The following PRH1 variants were observed in gnomAD, a reference collection of about 807,000 sequenced individuals.
PRH1 encodes proline rich protein HaeIII subfamily 1.
PRH1 carries 7 observed loss-of-function variants against 7.9 expected under a neutral mutation model. That is an observed-to-expected ratio of 0.89 (90% confidence interval 0.50 to 1.67). The LOEUF is 1.67. PRH1 is among the 40% of genes most tolerant of loss of function. PRH1 has a pLI of 0.00. For missense variants in PRH1, 109 were observed against 223.6 expected (o/e 0.49, Z 3.27); for synonymous variants, 45 against 80.8 (o/e 0.56, Z 2.38).
At chr12:11,133,347 A>G in intron 1 of PRH1, 1 of 1,613,666 alleles carries the variant, frequency 6.2e-7, no homozygotes, top group South Asian at 1.1e-5. Flanking sequence ...TCTTTCACCC[A>G]GTACCTCACA....
intron 1 of PRH1, among the ~76,000 whole-genome samples, chr12:11,012,671 C>T (rs1404153260): frequency 6.6e-6 from 1 of 152,066 alleles, no homozygotes. Context: ...ATCCTCCCAC[C>T]TCAGCTTCTG....
At chr12:11,106,358 T>A (rs1444479275) in intron 1 of PRH1, among the ~76,000 whole-genome samples, 1 of 152,172 alleles carries the variant, frequency 6.6e-6, no homozygotes. Flanking sequence ...AAAATTAATT[T>A]CAGGGACATC....
intron 1 of PRH1, chr12:10,997,432 G>A (rs1401545979): frequency 6.2e-7 from 1 of 1,613,972 alleles, no homozygotes; most frequent in Admixed American, 1.7e-5. Flanking sequence ...TTATATACGT[G>A]TGTTTCATCA....
chr12:11,081,904 C>T (rs1298054940), intron 1 of PRH1, among the ~76,000 whole-genome samples: 1,998 of 75,960 alleles, frequency 0.026, 45 homozygotes, highest in Admixed American at 0.036. Context: ...TTTATTTTTC[C>T]TATTAAGCAA....
At chr12:10,909,285 A>G in intron 2 of PRH1, 1 of 1,612,140 alleles carries the variant, frequency 6.2e-7, no homozygotes, top group Non-Finnish European at 8.5e-7. Context: ...GATACTCGGC[A>G]GGGCACTTTC....
At chr12:10,932,166 A>G in intron 2 of PRH1, 1 of 405,290 alleles carries the variant, frequency 2.5e-6, no homozygotes, top group South Asian at 1.7e-5. Flanking sequence ...TAAACCAATG[A>G]GGTATTAGAC....
chr12:10,956,938 C>A (rs1183058650), intron 2 of PRH1, among the ~76,000 whole-genome samples: 2 of 151,996 alleles, frequency 1.3e-5, no homozygotes, highest in East Asian at 3.9e-4. Flanking sequence ...GGAAAACGTT[C>A]CAGGTGCATG....
chr12:11,038,194 T>C (rs769865839), intron 1 of PRH1, among the ~76,000 whole-genome samples: 112 of 152,270 alleles, frequency 7.4e-4, no homozygotes, highest in Non-Finnish European at 1.4e-3. Context: ...ATACTTTATG[T>C]TTCTGCTTTT....
At chr12:10,955,922 G>A (rs1937932726) in intron 2 of PRH1, among the ~76,000 whole-genome samples, 1 of 151,906 alleles carries the variant, frequency 6.6e-6, no homozygotes, top group African/African-American at 2.4e-5. Flanking sequence ...GTTCCAAATT[G>A]AAAGAGTAAT....
At chr12:10,929,451 A>G in intron 2 of PRH1, 2 of 1,299,992 alleles carry the variant, frequency 1.5e-6, no homozygotes, top group Non-Finnish European at 2.2e-6. Context: ...AGGACTGAAG[A>G]GTTCTCATGC....
intron 1 of PRH1, among the ~76,000 whole-genome samples, chr12:11,156,844 A>ATTT (rs141685387): frequency 2.9e-5 from 4 of 139,154 alleles, no homozygotes; most frequent in African/African-American, 8.0e-5. Context: ...GAAAACACCA[A>ATTT]TTTTTTTTTT....
intron 1 of PRH1, among the ~76,000 whole-genome samples, chr12:11,046,050 A>G (rs1450871690): frequency 1.3e-5 from 2 of 152,194 alleles, no homozygotes; most frequent in East Asian, 3.9e-4. Flanking sequence ...AATTTTGCAC[A>G]TCTGCCAAAA....
intron 1 of PRH1, among the ~76,000 whole-genome samples, chr12:11,010,988 G>GC (rs1941045007): frequency 6.6e-6 from 1 of 151,750 alleles, no homozygotes; most frequent in African/African-American, 2.4e-5. Flanking sequence ...ATGAATTTGA[G>GC]AAATTATGAT....
chr12:10,892,575 T>G (rs767122935), intron 2 of PRH1, among the ~76,000 whole-genome samples: 28 of 152,082 alleles, frequency 1.8e-4, no homozygotes, highest in Non-Finnish European at 3.4e-4. Flanking sequence ...AGTCTGTGAT[T>G]ATCACTTAGC....
chr12:11,148,665 G>A (rs1343897400), intron 1 of PRH1, among the ~76,000 whole-genome samples: 1 of 118,602 alleles, frequency 8.4e-6, no homozygotes, highest in South Asian at 2.4e-4. Flanking sequence ...TAAGCTTTTT[G>A]ATGTGCTGCT....
At chr12:10,940,898 AAAAAT>A (rs1379058617) in intron 2 of PRH1, among the ~76,000 whole-genome samples, 1 of 152,206 alleles carries the variant, frequency 6.6e-6, no homozygotes, top group East Asian at 1.9e-4. Context: ...AAAGCTAAGC[AAAAAT>A]AAAATAAAAT....
intron 2 of PRH1, among the ~76,000 whole-genome samples, chr12:10,920,248 G>T (rs1591678986): frequency 6.6e-6 from 1 of 151,644 alleles, no homozygotes; most frequent in African/African-American, 2.4e-5. Flanking sequence ...TCTTTTTCAA[G>T]AATTGTCTGA....
intron 2 of PRH1, chr12:10,909,172 A>C: frequency 6.2e-7 from 1 of 1,614,010 alleles, no homozygotes; most frequent in Non-Finnish European, 8.5e-7. Context: ...TTATCGACTG[A>C]GGACAGCTCT....
Position 11,061,639 on chromosome 12 carries a change from G to C in PRH1, n.124-14451C>G, listed in dbSNP as rs375412933. On this transcript the variant is annotated intron_variant and non_coding_transcript_variant, in intron 1 of 4. Transcript: ENST00000541977. ...AGCTTTTATGTGGACCTTCATGCTG[G>C]GATCTTGAGATCCTTTGCCATGGAG... 3.1e-6 allele frequency: 5 copies of C among 1,613,972 alleles called. No individual in the cohort carries two copies. In the African/African-American group the frequency reaches 6.7e-5, roughly 22 times the overall value.
Sources: allele counts gnomAD v4.1 joint callset (sites outside exome capture counted in the v4.1 genomes callset), GRCh38; gene constraint gnomAD v4.1.1; transcripts MANE v1.5; gene names NCBI Gene and HGNC (gene_info 2026-07-23, HGNC 2026-07-21).